Variants in GRID2 observed in about 807,000 individuals in gnomAD.
GRID2 encodes glutamate receptor ionotropic, delta-2.
GRID2 carries 33 observed loss-of-function variants against 114.8 expected under a neutral mutation model. The observed-to-expected ratio is 0.29, with a 90% CI of 0.22 to 0.38. The LOEUF (loss-of-function observed/expected upper bound fraction) is 0.38, where lower values mean the gene tolerates loss of function less well. GRID2 is among the 10% of genes least tolerant of loss of function. The pLI, the probability that GRID2 is intolerant of heterozygous loss-of-function variation, is 1.00. For synonymous variants in GRID2, 505 were observed against 449.9 expected, an observed-to-expected ratio of 1.12 and a Z score of -1.55; for missense variants, 1,184 against 1,257.7, an observed-to-expected ratio of 0.94 and a Z score of 0.89.
At chr4:93,730,584 C>T (rs568847571) in intron 14 of GRID2, among the ~76,000 whole-genome samples, 1 of 152,192 alleles carries the variant, frequency 6.6e-6, no homozygotes, top group Non-Finnish European at 1.5e-5. Context: ...TGCACTTGCC[C>T]ATGGAAGATC....
chr4:93,117,829 T>C (rs1733420908), intron 4 of GRID2, among the ~76,000 whole-genome samples: 1 of 152,114 alleles, frequency 6.6e-6, no homozygotes, highest in Non-Finnish European at 1.5e-5. Context: ...GGCCACGAGT[T>C]CAATGTTAAA....
At position 92,753,308 on chromosome 4, in the gene GRID2, T is replaced by G. The variant is rs375985991; in HGVS notation, c.244+163022T>G. On this transcript the variant is annotated intron_variant, in intron 2 of 15. Coordinates refer to ENST00000282020, the MANE Select transcript of GRID2 (RefSeq NM_001510.4). ...CACTTTGGATGAGATTGCCAAGATC[T>G]GGAGAGAGAGGTAGGATTTCTTGTG... Among the ~76,000 whole-genome samples the G allele has an allele frequency of 2.2e-4, 33 of 152,224 alleles. No homozygotes were observed. In the East Asian group the frequency reaches 5.0e-3, roughly 23 times the overall value.
At chr4:93,526,202 C>T (rs187534553) in intron 13 of GRID2, among the ~76,000 whole-genome samples, 17 of 152,114 alleles carry the variant, frequency 1.1e-4, no homozygotes, top group East Asian at 1.9e-4. Context: ...GAGTTCTTGC[C>T]GAGCTAGTGG....
At chr4:93,126,824 C>T (rs2149369515) in intron 4 of GRID2, among the ~76,000 whole-genome samples, 1 of 151,784 alleles carries the variant, frequency 6.6e-6, no homozygotes, top group Admixed American at 6.6e-5. Flanking sequence ...GTCTCGATCT[C>T]CTGACCTCGT....
At chr4:93,205,401 T>C (rs1298600513) in intron 4 of GRID2, among the ~76,000 whole-genome samples, 5 of 152,072 alleles carry the variant, frequency 3.3e-5, no homozygotes, top group Non-Finnish European at 5.9e-5. Context: ...AGTAAGAACA[T>C]GTGGTGTTTG....
chr4:93,208,912 A>T (rs1743125324), intron 5 of GRID2, among the ~76,000 whole-genome samples: 1 of 152,000 alleles, frequency 6.6e-6, no homozygotes, highest in African/African-American at 2.4e-5. Flanking sequence ...AGAGGGAAAG[A>T]CAAAGGAAAA....
At chr4:93,490,908 T>A in intron 12 of GRID2, 131 bp downstream of exon 12, 1 of 608,128 alleles carries the variant, frequency 1.6e-6, no homozygotes, top group Non-Finnish European at 2.9e-6. Context: ...ATCAATTTTG[T>A]GTTACTGCAA....
chr4:92,316,723 T>C (rs879647645), intron 1 of GRID2, among the ~76,000 whole-genome samples: 12 of 152,124 alleles, frequency 7.9e-5, no homozygotes, highest in Admixed American at 7.2e-4. Flanking sequence ...CTGGAGATTG[T>C]GATAATTCAA....
chr4:93,226,106 C>A (rs1745451258), intron 7 of GRID2, among the ~76,000 whole-genome samples: 1 of 152,154 alleles, frequency 6.6e-6, no homozygotes, highest in Admixed American at 6.5e-5. Flanking sequence ...TAGGAGGGGA[C>A]ACTAAAATCA....
chr4:93,538,336 T>C (rs1195888535), intron 13 of GRID2, among the ~76,000 whole-genome samples: 2 of 151,676 alleles, frequency 1.3e-5, no homozygotes, highest in Non-Finnish European at 3.0e-5. Context: ...AGATGAAGAA[T>C]TGAATATTGG....
chr4:93,637,202 ATAG>A (rs941280497), intron 14 of GRID2, among the ~76,000 whole-genome samples: 7 of 152,178 alleles, frequency 4.6e-5, no homozygotes, highest in Non-Finnish European at 1.0e-4. Context: ...GTAGACTAAA[ATAG>A]TAGTCGACAT....
chr4:93,350,212 A>G (rs539563771), intron 8 of GRID2, among the ~76,000 whole-genome samples: 97 of 152,118 alleles, frequency 6.4e-4, no homozygotes, highest in Middle Eastern at 3.2e-3. Flanking sequence ...CCTGCAGCAT[A>G]AAGGACAAAC....
At chr4:92,441,556 G>T (rs1023434380) in intron 1 of GRID2, among the ~76,000 whole-genome samples, 2 of 152,138 alleles carry the variant, frequency 1.3e-5, no homozygotes, top group Non-Finnish European at 2.9e-5. Flanking sequence ...TTGATAAGGC[G>T]CAGATCCTGA....
At chr4:92,552,999 T>C (rs950546862) in intron 1 of GRID2, among the ~76,000 whole-genome samples, 4 of 152,110 alleles carry the variant, frequency 2.6e-5, no homozygotes, top group African/African-American at 9.7e-5. Context: ...AACAATGAAA[T>C]GGGGGCAAGC....
chr4:93,252,455 G>A (rs1749075222), intron 8 of GRID2, among the ~76,000 whole-genome samples: 1 of 150,288 alleles, frequency 6.7e-6, no homozygotes, highest in Non-Finnish European at 1.5e-5. Flanking sequence ...GTACCATGCT[G>A]TTTTTATTAC....
At chr4:93,421,200 A>T (rs1768252138) in intron 9 of GRID2, among the ~76,000 whole-genome samples, 1 of 152,176 alleles carries the variant, frequency 6.6e-6, no homozygotes, top group African/African-American at 2.4e-5. Flanking sequence ...TAGCAGAAAG[A>T]ATAAGAAATG....
chr4:93,279,761 T>C (rs1379854891), intron 8 of GRID2, among the ~76,000 whole-genome samples: 2 of 151,998 alleles, frequency 1.3e-5, no homozygotes, highest in African/African-American at 4.8e-5. Flanking sequence ...AGGTTAATTC[T>C]GAATATATCT....
chr4:92,305,049 G>A (rs564122689), intron 1 of GRID2, among the ~76,000 whole-genome samples: 3 of 152,194 alleles, frequency 2.0e-5, no homozygotes, highest in African/African-American at 7.2e-5. Flanking sequence ...TAAGTGTGTG[G>A]GGAAAGGGAG....
chr4:92,354,020 T>C (rs192587924), intron 1 of GRID2, among the ~76,000 whole-genome samples: 2 of 152,064 alleles, frequency 1.3e-5, no homozygotes, highest in Non-Finnish European at 2.9e-5. Flanking sequence ...CCAATGTGAG[T>C]TCCGATTTAG....
Sources: allele counts gnomAD v4.1 joint callset (sites outside exome capture counted in the v4.1 genomes callset), GRCh38; gene constraint gnomAD v4.1.1; transcripts MANE v1.5; gene names NCBI Gene and HGNC (gene_info 2026-07-23, HGNC 2026-07-21).